TJP1: variants seen among roughly 807,000 people sequenced by gnomAD.
TJP1 encodes tight junction protein ZO-1.
A neutral mutation model predicts 194.2 loss-of-function variants in TJP1; 43 were observed. The observed-to-expected ratio is 0.22, with a 90% CI of 0.17 to 0.29. The LOEUF (loss-of-function observed/expected upper bound fraction) is 0.29. Among genes scored for constraint, TJP1 ranks in the 10% least tolerant of loss-of-function variants. The pLI is 1.00. For missense variants in TJP1, 1,971 were observed against 2,185.7 expected (o/e 0.90, Z 1.96); for synonymous variants, 801 against 779.0 (o/e 1.03, Z -0.47).
intron 2 of TJP1, chr15:29,956,215 T>C (rs545288347): frequency 1.6e-4 from 194 of 1,234,902 alleles, no homozygotes; most frequent in Non-Finnish European, 1.9e-4. Context: ...GAGAAAAGCA[T>C]TGATCAGTCC....
chr15:29,766,660 C>A (rs1191754849), intron 4 of TJP1, 118 bp from the exon 5 acceptor site: 1 of 995,966 alleles, frequency 1.0e-6, no homozygotes, highest in Admixed American at 3.4e-5. Flanking sequence ...CAGCAAGAAA[C>A]AATACACAAA....
rs567015925 is a variant in TJP1 at position 29,729,907 on chromosome 15, TTCA to T, written c.2018-1891_2018-1889del. Among the ~76,000 whole-genome samples, 694 of 151,744 alleles carry T rather than the reference TTCA, an allele frequency of 4.6e-3. 2 individuals are homozygous for T. Among genetic ancestry groups the T allele is most frequent in the Non-Finnish European group, 8.0e-3 (541 of 67,980 alleles). ...GCACAACTCTCTGGAAAGCAGAAACTTCATCATAATTATGGGAACAGCTATATT... is the reference window on the plus strand; with the variant it reads ...GCACAACTCTCTGGAAAGCAGAAACTTCATAATTATGGGAACAGCTATATT... On this transcript the variant is annotated intron_variant, in intron 15 of 27. Coordinates refer to ENST00000614355, the MANE Select transcript of TJP1 (RefSeq NM_001330239.4).
chr15:29,797,312 G>C (rs1170985742), intron 2 of TJP1, among the ~76,000 whole-genome samples: 2 of 152,104 alleles, frequency 1.3e-5, no homozygotes. Context: ...AACACTCCCA[G>C]CTAATTTTTG....
intron 11 of TJP1, among the ~76,000 whole-genome samples, chr15:29,736,829 A>G (rs2044062895): frequency 6.6e-6 from 1 of 152,152 alleles, no homozygotes; most frequent in Admixed American, 6.5e-5. Context: ...AAGGTCCCAG[A>G]GGTTGTGTGG....
intron 16 of TJP1, among the ~76,000 whole-genome samples, chr15:29,727,262 T>C (rs1351988293): frequency 6.6e-6 from 1 of 152,082 alleles, no homozygotes; most frequent in Non-Finnish European, 1.5e-5. Context: ...AAGAATCACT[T>C]GAACCTGAGA....
At chr15:29,742,577 A>T (rs1484541515) in intron 9 of TJP1, 65 bp downstream of exon 9, 1 of 1,429,110 alleles carries the variant, frequency 7.0e-7, no homozygotes, top group African/African-American at 1.5e-5. Flanking sequence ...ATCTTCTGTA[A>T]ATCCTAACAA....
chr15:29,766,394 A>C lies in TJP1; in HGVS notation c.461T>G (p.Ile154Ser). The change falls in exon 5 of 28, where the codon ATT becomes AGT. Residue 154 changes from isoleucine to serine, a missense_variant. By Grantham distance (142) the Ile-to-Ser change is moderately radical. Transcript: ENST00000614355. ...SGVVNRRSEK[I>S]WPRDRSASRE... is the part of the protein sequence containing the mutation. Reference sequence around the variant, plus strand: ...ACTTGCACTTCTATCCCTCGGCCAAATCTTCTCACTCCTTCTGTTAACCAC... The same window carrying C: ...ACTTGCACTTCTATCCCTCGGCCAACTCTTCTCACTCCTTCTGTTAACCAC... 6.2e-7 allele frequency: 1 copy of C among 1,614,126 alleles called. No homozygotes were observed. The highest frequency in any genetic ancestry group is 1.3e-5 in the African/African-American group (1 of 75,018).
At position 29,762,365 on chromosome 15, in the gene TJP1, G is replaced by A. The variant is rs746408911; in HGVS notation, c.663C>T (p.Gly221=). ...ATACAACATCACCTTCTTGAATATT[G>A]CCATCTCTTGCTGCCAAACTATCTT... ...ISQDSLAARD[G]NIQEGDVVLK... The change falls in exon 6 of 28, where the codon GGC becomes GGT. Residue 221 remains glycine, a synonymous_variant. Transcript: ENST00000614355. The A allele has an allele frequency of 6.2e-6, 10 of 1,613,270 alleles. No homozygotes were observed. The highest frequency in any genetic ancestry group is 7.6e-6 in the Non-Finnish European group (9 of 1,179,742).
Position 29,822,255 on chromosome 15 carries a change from C to G in TJP1, c.-227G>C. On this transcript the variant is annotated 5_prime_UTR_variant, in exon 1 of 28. Coordinates refer to ENST00000614355, the MANE Select transcript of TJP1 (RefSeq NM_001330239.4). ...TTCTCCACGGGGCGCGCCCGACCGG[C>G]ACCTCCCTCCGAGCGCGGCCACCCA... The G allele has an allele frequency of 8.6e-7, 1 of 1,166,434 alleles. No individual in the cohort carries two copies. Among genetic ancestry groups the G allele is most frequent in the Non-Finnish European group, 1.1e-6 (1 of 945,724 alleles). 72.3% of individuals were successfully genotyped at this position (1,166,434 alleles called of 1,614,324 possible).
At chr15:29,929,516 G>T (rs1464990366) in intron 2 of TJP1, among the ~76,000 whole-genome samples, 2 of 152,088 alleles carry the variant, frequency 1.3e-5, no homozygotes, top group African/African-American at 4.8e-5. Context: ...GGCCAACACG[G>T]CAAAACCCCA....
At chr15:29,941,131 C>T (rs2055059120) in intron 2 of TJP1, among the ~76,000 whole-genome samples, 1 of 152,218 alleles carries the variant, frequency 6.6e-6, no homozygotes. Flanking sequence ...ATGAACTCTA[C>T]TTCCACCTCT....
At chr15:29,841,987 A>C (rs1228362795) in intron 2 of TJP1, among the ~76,000 whole-genome samples, 2 of 152,160 alleles carry the variant, frequency 1.3e-5, no homozygotes, top group African/African-American at 4.8e-5. Flanking sequence ...GTACAGTAAG[A>C]TTTTTTGATC....
rs1469559001 is a variant in TJP1, at chr15:29,701,732, C to G, written c.5213-43G>C. 3.5e-6 allele frequency: 5 copies of G among 1,449,244 alleles called. No individual in the cohort carries two copies. In the South Asian group the frequency reaches 5.7e-5, roughly 17 times the overall value. 89.8% of individuals were successfully genotyped at this position (1,449,244 alleles called of 1,614,324 possible). On this transcript the variant is annotated intron_variant, in intron 27 of 27. Coordinates refer to ENST00000614355, the MANE Select transcript of TJP1 (RefSeq NM_001330239.4). ...TTGATGTCATTTACAGTTCAGTAAA[C>G]TGCTATCCGTAATGCTTTGCAATTA...
chr15:29,701,515 G>T lies in TJP1; in HGVS notation c.*80C>A. 1 of 1,167,826 alleles carries T rather than the reference G, an allele frequency of 8.6e-7. No homozygotes were observed. Among genetic ancestry groups the T allele is most frequent in the Non-Finnish European group, 1.3e-6 (1 of 796,560 alleles). 72.3% of individuals were successfully genotyped at this position (1,167,826 alleles called of 1,614,324 possible). On this transcript the variant is annotated 3_prime_UTR_variant, in exon 28 of 28. Transcript: ENST00000614355. ...AACTGTAGTATCAACTCTAAAAAAG[G>T]TATAATACTTGATAGAGTGGTTCCA...
chr15:29,714,609 C>T (rs1232924082), intron 23 of TJP1, among the ~76,000 whole-genome samples: 2 of 139,546 alleles, frequency 1.4e-5, no homozygotes, highest in Non-Finnish European at 1.5e-5. Context: ...GGCACGATCT[C>T]GGCTCACTGC....
At chr15:29,818,636 G>A (rs891376852) in intron 1 of TJP1, among the ~76,000 whole-genome samples, 1 of 151,418 alleles carries the variant, frequency 6.6e-6, no homozygotes, top group African/African-American at 2.4e-5. Flanking sequence ...TTCCCATTAG[G>A]GGGGATTACA....
intron 1 of TJP1, among the ~76,000 whole-genome samples, chr15:29,964,600 T>G (rs572111656): frequency 6.6e-6 from 1 of 152,158 alleles, no homozygotes; most frequent in Non-Finnish European, 1.5e-5. Flanking sequence ...CTAGCCTCCA[T>G]AACTCAGAAA....
In TJP1 at chr15:29,899,626, G is replaced by A. The variant is rs116481922; in HGVS notation, c.306+56606C>T. ...ACCCCAACCTCATCTTCAGTAAAAT[G>A]GAACAGCCACATCTACATCACTACA... On this transcript the variant is annotated intron_variant, in intron 2 of 28. Coordinates refer to the TJP1 transcript ENST00000356107. Among the ~76,000 whole-genome samples, 754 of 152,208 alleles carry A rather than the reference G, an allele frequency of 5.0e-3. 5 individuals carry two copies. Among genetic ancestry groups the A allele is most frequent in the African/African-American group, 0.017 (726 of 41,534 alleles).
At chr15:29,789,026 G>A (rs1025955997) in intron 2 of TJP1, among the ~76,000 whole-genome samples, 1 of 152,098 alleles carries the variant, frequency 6.6e-6, no homozygotes, top group African/African-American at 2.4e-5. Context: ...AATTTTGTAA[G>A]ATCAACTCAT....
Sources: gnomAD v4.1 joint callset for allele counts (sites outside exome capture counted in the v4.1 genomes callset) on GRCh38, gnomAD v4.1.1 for gene constraint, MANE v1.5 for transcripts, NCBI Gene and HGNC (gene_info 2026-07-23, HGNC 2026-07-21) for gene names.